The following DOK6 variants were observed in gnomAD, a reference collection of about 807,000 sequenced individuals.
DOK6 encodes the protein downstream of tyrosine kinase 6.
Under a neutral mutation model 44.0 loss-of-function variants are expected in DOK6, and 22 were observed. That is an observed-to-expected ratio of 0.50 (90% CI 0.36 to 0.71). The LOEUF is 0.71. DOK6 is among the 30% of genes least tolerant of loss of function. The pLI is 0.00. For missense variants in DOK6, 340 were observed against 416.4 expected (o/e 0.82, Z 1.60); for synonymous variants, 166 against 145.5 (o/e 1.14, Z -1.01).
chr18:69,806,210 A>G (rs570975848), intron 7 of DOK6, among the ~76,000 whole-genome samples: 5 of 152,080 alleles, frequency 3.3e-5, no homozygotes, highest in Admixed American at 3.3e-4. Flanking sequence ...GATGTCATTA[A>G]TGGTATCCAC....
At chr18:69,582,822 G>A (rs2144611042) in intron 2 of DOK6, among the ~76,000 whole-genome samples, 1 of 152,108 alleles carries the variant, frequency 6.6e-6, no homozygotes, top group Middle Eastern at 3.4e-3. Flanking sequence ...CCCTTATTCT[G>A]TTTCTTATTT....
chr18:69,437,475 T>C (rs1314593569), intron 1 of DOK6, among the ~76,000 whole-genome samples: 1 of 152,202 alleles, frequency 6.6e-6, no homozygotes, highest in Non-Finnish European at 1.5e-5. Flanking sequence ...TGTAAATGTG[T>C]AGCATTATTT....
intron 1 of DOK6, among the ~76,000 whole-genome samples, chr18:69,481,705 C>A (rs1478521081): frequency 6.6e-6 from 1 of 152,120 alleles, no homozygotes; most frequent in Non-Finnish European, 1.5e-5. Flanking sequence ...GTCTTTATAG[C>A]AGCGTGATTT....
intron 3 of DOK6, among the ~76,000 whole-genome samples, chr18:69,605,552 A>G (rs1469317955): frequency 2.0e-5 from 3 of 152,154 alleles, no homozygotes; most frequent in Non-Finnish European, 2.9e-5. Flanking sequence ...TTTCTGGTGG[A>G]TGACTTGAGA....
At chr18:69,629,403 CAT>C (rs1412043111) in intron 3 of DOK6, among the ~76,000 whole-genome samples, 2 of 152,172 alleles carry the variant, frequency 1.3e-5, no homozygotes, top group Non-Finnish European at 1.5e-5. Flanking sequence ...TTATGACTGA[CAT>C]GTTGCACATC....
intron 5 of DOK6, 144 bp downstream of exon 5, chr18:69,698,737 T>A: frequency 1.5e-6 from 1 of 685,692 alleles, no homozygotes. Context: ...ATACATAATT[T>A]CTTCAGATTC....
intron 7 of DOK6, among the ~76,000 whole-genome samples, chr18:69,828,504 C>T (rs1437062194): frequency 6.6e-6 from 1 of 151,560 alleles, no homozygotes; most frequent in African/African-American, 2.4e-5. Context: ...ATGCAAGCAA[C>T]AGAAACAAAT....
At chr18:69,822,000 GA>G (rs575103050) in intron 7 of DOK6, among the ~76,000 whole-genome samples, 5 of 151,812 alleles carry the variant, frequency 3.3e-5, no homozygotes, top group African/African-American at 7.3e-5. Context: ...TTTCTCTAGT[GA>G]AAAAAACATT....
intron 2 of DOK6, among the ~76,000 whole-genome samples, chr18:69,593,406 A>G (rs77421205): frequency 0.013 from 2,002 of 152,042 alleles, 22 homozygotes; most frequent in Non-Finnish European, 0.02. Flanking sequence ...AAAAAAGTAG[A>G]ATTTGATACT....
chr18:69,543,301 C>G (rs1982317152), intron 1 of DOK6, among the ~76,000 whole-genome samples: 1 of 151,504 alleles, frequency 6.6e-6, no homozygotes, highest in South Asian at 2.1e-4. Flanking sequence ...AGAACAAGGA[C>G]TTTCTTTTAG....
intron 1 of DOK6, among the ~76,000 whole-genome samples, chr18:69,541,456 C>T (rs1274410261): frequency 6.6e-6 from 1 of 151,434 alleles, no homozygotes; most frequent in South Asian, 2.1e-4. Context: ...AAAAACCCAA[C>T]CATTTCCAAT....
At chr18:69,596,163 T>G (rs539018291) in intron 2 of DOK6, among the ~76,000 whole-genome samples, 68 of 152,184 alleles carry the variant, frequency 4.5e-4, no homozygotes, top group Admixed American at 1.2e-3. Flanking sequence ...CATCTGGATT[T>G]AGAACCAATG....
chr18:69,787,960 C>T (rs1009193803), intron 7 of DOK6, among the ~76,000 whole-genome samples: 1 of 152,114 alleles, frequency 6.6e-6, no homozygotes, highest in Non-Finnish European at 1.5e-5. Flanking sequence ...GGTGTCCATA[C>T]CCAACAGGTG....
intron 7 of DOK6, among the ~76,000 whole-genome samples, chr18:69,822,822 T>C (rs1390943772): frequency 1.3e-5 from 2 of 152,248 alleles, no homozygotes; most frequent in African/African-American, 4.8e-5. Flanking sequence ...TAAATTGTTA[T>C]ACTTGTTGGG....
At chr18:69,797,888 T>C (rs1980794856) in intron 7 of DOK6, among the ~76,000 whole-genome samples, 1 of 152,116 alleles carries the variant, frequency 6.6e-6, no homozygotes, top group African/African-American at 2.4e-5. Flanking sequence ...TAAATAGCAG[T>C]TGTTAATATC....
chr18:69,580,100 C>T (rs1983332073), intron 2 of DOK6, among the ~76,000 whole-genome samples: 1 of 152,126 alleles, frequency 6.6e-6, no homozygotes, highest in Non-Finnish European at 1.5e-5. Context: ...CTCAGGGGCT[C>T]AAAAATACCC....
intron 4 of DOK6, among the ~76,000 whole-genome samples, chr18:69,697,647 G>A (rs1194675798): frequency 6.6e-6 from 1 of 151,874 alleles, no homozygotes; most frequent in Non-Finnish European, 1.5e-5. Flanking sequence ...TCTATTTAAT[G>A]CATCTAAATG....
intron 3 of DOK6, chr18:69,643,852 C>T (rs1374508142): frequency 6.6e-6 from 1 of 152,172 alleles, no homozygotes; most frequent in Non-Finnish European, 1.5e-5. Flanking sequence ...TATCATTTGA[C>T]ATTCCCACCA....
chr18:69,427,452 G>A (rs1978672935), intron 1 of DOK6, among the ~76,000 whole-genome samples: 1 of 152,124 alleles, frequency 6.6e-6, no homozygotes, highest in African/African-American at 2.4e-5. Flanking sequence ...CAGTCAAACT[G>A]GCTACAGATG....
Sources: allele counts gnomAD v4.1 joint callset (sites outside exome capture counted in the v4.1 genomes callset), GRCh38; gene constraint gnomAD v4.1.1; transcripts MANE v1.5; gene names NCBI Gene and HGNC (gene_info 2026-07-23, HGNC 2026-07-21).